The following SMIM45 variants were observed in gnomAD, a reference collection of about 807,000 sequenced individuals.
The protein encoded by SMIM45 is long intergenic non-protein coding RNA 634.
the SMIM45 span, among the ~76,000 whole-genome samples, chr22:41,949,211 C>T: frequency 1.5e-4 from 23 of 151,620 alleles, no homozygotes; most frequent in South Asian, 3.1e-3. Context: ...CACCACTGCA[C>T]TCCAGCCTGG....
the SMIM45 span, among the ~76,000 whole-genome samples, chr22:41,955,394 G>T: frequency 6.6e-6 from 1 of 152,070 alleles, no homozygotes; most frequent in African/African-American, 2.4e-5. Context: ...GGTCAGGCTG[G>T]TCTTGAATTC....
the SMIM45 span, among the ~76,000 whole-genome samples, chr22:41,954,343 A>T: frequency 2.0e-5 from 3 of 150,136 alleles, no homozygotes; most frequent in East Asian, 6.0e-4. Context: ...AGTAGCTGGG[A>T]TTACAGGTGC....
chr22:41,947,332 T>A, the SMIM45 span, among the ~76,000 whole-genome samples: 1 of 152,084 alleles, frequency 6.6e-6, no homozygotes, highest in South Asian at 2.1e-4. Flanking sequence ...GTGATTCCTT[T>A]GTTCACTTTC....
At chr22:41,954,918 G>T in the SMIM45 span, among the ~76,000 whole-genome samples, 1 of 152,148 alleles carries the variant, frequency 6.6e-6, no homozygotes, top group Non-Finnish European at 1.5e-5. Flanking sequence ...GGCTGAGGCA[G>T]GAGAATCGCT....
At chr22:41,948,926 G>A in the SMIM45 span, among the ~76,000 whole-genome samples, 6 of 152,160 alleles carry the variant, frequency 3.9e-5, no homozygotes, top group Non-Finnish European at 7.3e-5. Flanking sequence ...TTAGCTGGGC[G>A]TGGTGGTGCA....
the SMIM45 span, chr22:41,958,396 C>G: frequency 2.2e-6 from 1 of 456,492 alleles, no homozygotes; most frequent in African/African-American, 2.0e-5. Context: ...CCAGCCGCAC[C>G]CCGCGGGGCT....
chr22:41,949,406 C>CAGAA, the SMIM45 span, among the ~76,000 whole-genome samples: 1 of 152,114 alleles, frequency 6.6e-6, no homozygotes, highest in Non-Finnish European at 1.5e-5. Flanking sequence ...AGGCCTCAGG[C>CAGAA]AGAAGGCAGT....
the SMIM45 span, among the ~76,000 whole-genome samples, chr22:41,955,184 A>AT: frequency 0.15 from 22,266 of 147,206 alleles, 2,016 homozygotes; most frequent in African/African-American, 0.25. Context: ...TTTTATTTTA[A>AT]TTTTTTTTTT....
At chr22:41,949,871 T>C in the SMIM45 span, among the ~76,000 whole-genome samples, 1 of 152,022 alleles carries the variant, frequency 6.6e-6, no homozygotes, top group African/African-American at 2.4e-5. Context: ...GTGTTTAAGA[T>C]CCATACATGA....
chr22:41,954,208 T>G, the SMIM45 span, among the ~76,000 whole-genome samples: 1 of 143,468 alleles, frequency 7.0e-6, no homozygotes, highest in Non-Finnish European at 1.5e-5. Context: ...TTGAATTTTT[T>G]TTTTTTTTTT....
the SMIM45 span, chr22:41,958,200 C>T: frequency 4.7e-6 from 2 of 421,160 alleles, no homozygotes; most frequent in African/African-American, 2.0e-5. Flanking sequence ...GCACTCTGCC[C>T]TCCACTGGAC....
chr22:41,950,055 G>T, the SMIM45 span, among the ~76,000 whole-genome samples: 4 of 152,072 alleles, frequency 2.6e-5, no homozygotes, highest in Non-Finnish European at 5.9e-5. Context: ...TTCCGAGTGG[G>T]TGGGGTCCAG....
At chr22:41,954,823 T>G in the SMIM45 span, among the ~76,000 whole-genome samples, 1 of 151,902 alleles carries the variant, frequency 6.6e-6, no homozygotes, top group Non-Finnish European at 1.5e-5. Flanking sequence ...CTGGCCAACA[T>G]GGCAAAACCC....
At chr22:41,950,095 G>A in the SMIM45 span, among the ~76,000 whole-genome samples, 6 of 122,220 alleles carry the variant, frequency 4.9e-5, no homozygotes, top group Admixed American at 5.3e-4. Flanking sequence ...CCATTGAACC[G>A]AAGCAACCTC....
the SMIM45 span, among the ~76,000 whole-genome samples, chr22:41,953,839 C>T: frequency 6.7e-6 from 1 of 148,862 alleles, no homozygotes; most frequent in Non-Finnish European, 1.5e-5. Context: ...CAAGCTCTGC[C>T]TCCGGGGTTC....
chr22:41,954,293 G>A, the SMIM45 span, among the ~76,000 whole-genome samples: 2 of 139,098 alleles, frequency 1.4e-5, no homozygotes, highest in South Asian at 2.3e-4. Context: ...TGCAAACTCC[G>A]CCTCCCAGGC....
the SMIM45 span, among the ~76,000 whole-genome samples, chr22:41,949,177 G>A: frequency 0.53 from 79,670 of 151,560 alleles, 24,424 homozygotes; most frequent in East Asian, 0.95. Context: ...CCTGGGAGGC[G>A]GAGGTTGCAG....
At chr22:41,948,326 A>C in the SMIM45 span, among the ~76,000 whole-genome samples, 34 of 152,244 alleles carry the variant, frequency 2.2e-4, no homozygotes, top group East Asian at 3.9e-4. Context: ...GCCCAGACCC[A>C]ATGCCCTACC....
the SMIM45 span, among the ~76,000 whole-genome samples, chr22:41,947,367 C>CTT: frequency 2.3e-5 from 3 of 132,998 alleles, no homozygotes; most frequent in Non-Finnish European, 4.7e-5. Flanking sequence ...ATACACAGTA[C>CTT]TTTTTTTTTT....
Sources: gnomAD v4.1 joint callset for allele counts (sites outside exome capture counted in the v4.1 genomes callset) on GRCh38, gnomAD v4.1.1 for gene constraint, MANE v1.5 for transcripts, NCBI Gene and HGNC (gene_info 2026-07-23, HGNC 2026-07-21) for gene names.